CPQ: variants seen among roughly 807,000 people sequenced by gnomAD.
CPQ encodes the protein carboxypeptidase Q.
A neutral mutation model predicts 45.7 loss-of-function variants in CPQ; 37 were observed. That is an observed-to-expected ratio of 0.81 (90% CI 0.62 to 1.07). CPQ has a LOEUF of 1.07. Ranked by LOEUF, CPQ falls within the 50% of genes least tolerant of loss-of-function variation. CPQ has a pLI of 0.00. For synonymous variants in CPQ, 186 were observed against 205.8 expected (o/e 0.90, Z 0.82); for missense variants, 537 against 572.9 (o/e 0.94, Z 0.64).
chr8:97,045,890 C>G (rs113441171), intron 6 of CPQ, among the ~76,000 whole-genome samples: 3,153 of 152,298 alleles, frequency 0.021, 102 homozygotes, highest in African/African-American at 0.067. Flanking sequence ...AGCAGCTCCT[C>G]GCTGGCACAT....
At chr8:96,923,331 C>T (rs1014691862) in intron 4 of CPQ, among the ~76,000 whole-genome samples, 8 of 152,150 alleles carry the variant, frequency 5.3e-5, no homozygotes, top group Non-Finnish European at 8.8e-5. Flanking sequence ...ATGTGCTCAA[C>T]CCCCATTAGC....
chr8:97,011,402 G>A (rs900305899), intron 5 of CPQ, among the ~76,000 whole-genome samples: 4 of 152,120 alleles, frequency 2.6e-5, no homozygotes, highest in African/African-American at 9.7e-5. Context: ...TGGACCACTG[G>A]GTAACAGGGA....
chr8:97,023,386 A>C (rs2130460083), intron 5 of CPQ, among the ~76,000 whole-genome samples: 1 of 152,262 alleles, frequency 6.6e-6, no homozygotes, highest in African/African-American at 2.4e-5. Flanking sequence ...TATACTGCTC[A>C]GGTGATGGGT....
At chr8:96,856,786 G>A (rs1031345418) in intron 3 of CPQ, among the ~76,000 whole-genome samples, 6 of 152,228 alleles carry the variant, frequency 3.9e-5, no homozygotes, top group Admixed American at 2.0e-4. Context: ...ACAAAAGGAT[G>A]AAGAGAGTGG....
chr8:97,046,281 C>A (rs201198112), intron 6 of CPQ, among the ~76,000 whole-genome samples: 1 of 148,612 alleles, frequency 6.7e-6, no homozygotes, highest in Non-Finnish European at 1.5e-5. Context: ...TTTTTTTTTC[C>A]AGAAGACCTC....
chr8:96,645,830 G>T (rs921020896), intron 1 of CPQ, among the ~76,000 whole-genome samples: 9 of 151,360 alleles, frequency 5.9e-5, no homozygotes, highest in Non-Finnish European at 1.0e-4. Context: ...TTCTTTTGGG[G>T]TTCCTTTCGC....
intron 2 of CPQ, among the ~76,000 whole-genome samples, chr8:96,816,496 G>A (rs1811230489): frequency 6.6e-6 from 1 of 152,056 alleles, no homozygotes. Flanking sequence ...TCCTGTTAAT[G>A]TTGATATTTT....
intron 4 of CPQ, among the ~76,000 whole-genome samples, chr8:96,885,753 C>G (rs1029650252): frequency 6.6e-6 from 1 of 152,100 alleles, no homozygotes; most frequent in Admixed American, 6.6e-5. Context: ...CTCAGGGAGG[C>G]CGAGGCGGGC....
chr8:96,996,637 A>G (rs1809183262), intron 5 of CPQ, among the ~76,000 whole-genome samples: 1 of 152,018 alleles, frequency 6.6e-6, no homozygotes, highest in African/African-American at 2.4e-5. Context: ...ATATTTATGA[A>G]TATTGTTCTT....
chr8:96,929,269 A>G (rs996422478), intron 4 of CPQ, among the ~76,000 whole-genome samples: 1 of 152,214 alleles, frequency 6.6e-6, no homozygotes, highest in African/African-American at 2.4e-5. Context: ...TGTCAGCATG[A>G]GGAAGGTCTT....
At chr8:97,061,115 C>T (rs774785396) in intron 6 of CPQ, among the ~76,000 whole-genome samples, 9 of 152,106 alleles carry the variant, frequency 5.9e-5, no homozygotes, top group African/African-American at 9.7e-5. Flanking sequence ...AAGTTCTACA[C>T]GAATAGAAAT....
chr8:96,895,570 G>A (rs1326564318), intron 4 of CPQ, among the ~76,000 whole-genome samples: 1 of 151,252 alleles, frequency 6.6e-6, no homozygotes, highest in Non-Finnish European at 1.5e-5. Flanking sequence ...AATTTTGAAT[G>A]TGTCTTTTGA....
At chr8:96,646,706 A>G (rs1815522992) in intron 1 of CPQ, among the ~76,000 whole-genome samples, 1 of 152,194 alleles carries the variant, frequency 6.6e-6, no homozygotes, top group Non-Finnish European at 1.5e-5. Flanking sequence ...TCCAAAATGA[A>G]GATGTTTAGC....
chr8:96,739,597 C>T (rs1810051162), intron 1 of CPQ, among the ~76,000 whole-genome samples: 1 of 124,902 alleles, frequency 8.0e-6, no homozygotes, highest in Non-Finnish European at 1.7e-5. Flanking sequence ...GGTTTTAGGT[C>T]TAACGTTTAA....
At position 97,005,369 on chromosome 8, in the gene CPQ, C is replaced by T. The variant is rs188026384; in HGVS notation, c.962-24034C>T. 1.4e-4 allele frequency among the ~76,000 whole-genome samples: 21 copies of T among 151,836 alleles called. 1 individual carries two copies. The East Asian group carries it at 2.2e-3, about 16-fold the overall frequency. On this transcript the variant is annotated intron_variant, in intron 5 of 7. Coordinates refer to ENST00000220763, the MANE Select transcript of CPQ (RefSeq NM_016134.4). ...TGCTGGGATTACAGGCATGAGGCACCGCTCCTGGCCTATGATCATTTTATA... is the reference window on the plus strand; with the variant it reads ...TGCTGGGATTACAGGCATGAGGCACTGCTCCTGGCCTATGATCATTTTATA...
intron 4 of CPQ, among the ~76,000 whole-genome samples, chr8:96,885,017 G>A (rs112860609): frequency 1.3e-5 from 2 of 152,264 alleles, no homozygotes. Context: ...CAGAGGGGAG[G>A]AAAGTGGGTA....
rs184077563 is a variant in CPQ at position 96,742,257 on chromosome 8, G to T, written c.-34-42607G>T. ...TCCTTCTTTGTCTCTTTTGATCTTT[G>T]TTGGTTTAAAGTCTGTTTTATTAGA... On this transcript the variant is annotated intron_variant, in intron 1 of 7. Transcript: ENST00000220763. 3.1e-3 allele frequency among the ~76,000 whole-genome samples: 473 copies of T among 152,214 alleles called. 3 individuals are homozygous for T. The highest frequency in any genetic ancestry group is 0.011 in the African/African-American group (446 of 41,522).
chr8:96,671,122 T>C (rs1808996337), intron 1 of CPQ, among the ~76,000 whole-genome samples: 1 of 152,184 alleles, frequency 6.6e-6, no homozygotes, highest in Non-Finnish European at 1.5e-5. Flanking sequence ...AAAACTGTAA[T>C]TTAAAAAACT....
chr8:97,019,938 G>T (rs1299867755), intron 5 of CPQ, among the ~76,000 whole-genome samples: 1 of 152,082 alleles, frequency 6.6e-6, no homozygotes, highest in Admixed American at 6.5e-5. Flanking sequence ...CTATTCATCA[G>T]CACATGGAAC....
Sources: allele counts gnomAD v4.1 joint callset (sites outside exome capture counted in the v4.1 genomes callset), GRCh38; gene constraint gnomAD v4.1.1; transcripts MANE v1.5; gene names NCBI Gene and HGNC (gene_info 2026-07-23, HGNC 2026-07-21).